ABLIM2: variants seen among roughly 807,000 people sequenced by gnomAD.
ABLIM2 encodes the protein actin binding LIM protein family member 2, also known as actin-binding LIM protein 2.
A neutral mutation model predicts 97.7 loss-of-function variants in ABLIM2; 53 were observed. The observed-to-expected ratio is 0.54, with a 90% confidence interval of 0.44 to 0.68. The LOEUF is 0.68. Among genes scored for constraint, ABLIM2 ranks in the 30% least tolerant of loss-of-function variants. ABLIM2 has a pLI of 0.00. For missense variants in ABLIM2, 835 were observed against 867.2 expected (o/e 0.96, Z 0.47); for synonymous variants, 361 against 345.8 (o/e 1.04, Z -0.49).
intron 1 of ABLIM2, among the ~76,000 whole-genome samples, chr4:8,136,244 C>T (rs77980467): frequency 5.8e-4 from 88 of 152,258 alleles, no homozygotes; most frequent in African/African-American, 2.0e-3. Context: ...GAGTCGTCAA[C>T]TTCATAGAGA....
intron 5 of ABLIM2, 100 bp downstream of exon 5, chr4:8,080,576 C>T (rs965876346): frequency 6.2e-5 from 83 of 1,333,262 alleles, no homozygotes; most frequent in Admixed American, 4.4e-4. Flanking sequence ...ATAGGAGAGA[C>T]ACAGAGAGGG....
At chr4:8,103,382 T>G (rs1245276058) in intron 2 of ABLIM2, among the ~76,000 whole-genome samples, 1 of 152,224 alleles carries the variant, frequency 6.6e-6, no homozygotes, top group East Asian at 1.9e-4. Flanking sequence ...TCGTAGTTAC[T>G]CCATGCCATT....
chr4:8,100,101 A>G (rs1387689202), intron 2 of ABLIM2, among the ~76,000 whole-genome samples: 2 of 152,122 alleles, frequency 1.3e-5, no homozygotes, highest in Non-Finnish European at 2.9e-5. Context: ...GCTGGGGGGA[A>G]AAGATGAATC....
chr4:7,973,610 G>T (rs1316436839), intron 20 of ABLIM2, among the ~76,000 whole-genome samples: 2 of 152,186 alleles, frequency 1.3e-5, no homozygotes, highest in Non-Finnish European at 2.9e-5. Flanking sequence ...TAAGCAGTTT[G>T]GTTTTTAGCC....
Position 8,106,493 on chromosome 4 carries a change from C to T in ABLIM2, c.154+1G>A. The T allele has an allele frequency of 6.3e-7, 1 of 1,592,574 alleles. No homozygotes were observed. The highest frequency in any genetic ancestry group is 8.6e-7 in the Non-Finnish European group (1 of 1,169,566). Reference sequence around the variant, plus strand: ...ACTGCAGGGGACCGGGGGACACTCACCTTTACAGACGAAGCACTTGATGTG... The same window carrying T: ...ACTGCAGGGGACCGGGGGACACTCATCTTTACAGACGAAGCACTTGATGTG... On this transcript the variant is annotated splice_donor_variant, in intron 2 of 20. Transcript: ENST00000447017. LOFTEE classifies it high-confidence loss of function.
At chr4:8,093,007 C>T (rs776959648) in intron 3 of ABLIM2, among the ~76,000 whole-genome samples, 12 of 152,104 alleles carry the variant, frequency 7.9e-5, no homozygotes, top group Non-Finnish European at 1.5e-4. Flanking sequence ...CACCACCACG[C>T]CTGGCTCATT....
At chr4:8,081,899 A>G (rs1820063066) in intron 4 of ABLIM2, among the ~76,000 whole-genome samples, 1 of 152,114 alleles carries the variant, frequency 6.6e-6, no homozygotes, top group Non-Finnish European at 1.5e-5. Context: ...CACTCCAGGG[A>G]CCTGCACCTG....
chr4:8,094,043 AT>A (rs750661326), intron 3 of ABLIM2, among the ~76,000 whole-genome samples: 3 of 152,046 alleles, frequency 2.0e-5, no homozygotes, highest in Non-Finnish European at 4.4e-5. Flanking sequence ...TTAAGTTTGA[AT>A]TCTTTTTAAT....
In ABLIM2 at chr4:8,029,773, C is replaced by G; in HGVS notation, c.1051G>C (p.Asp351His). 1 of 1,570,252 alleles carries G rather than the reference C, an allele frequency of 6.4e-7. No homozygotes were observed. The highest frequency in any genetic ancestry group is 8.6e-7 in the Non-Finnish European group (1 of 1,158,004). ...TGCTTGTAGGACCGGTCATCCTGAT[C>G]CCCCTGGGAGGGAAGATGCAGCTTG... ...AGDRQSYGEGDQDDRSYKQCR... is the reference protein window; with the variant it reads ...AGDRQSYGEGHQDDRSYKQCR... The change falls in exon 11 of 21, where the codon GAT (aspartate) becomes CAT (histidine). Residue 351 changes from aspartate (D) to histidine (H), a missense_variant. Coordinates refer to ENST00000447017, the MANE Select transcript of ABLIM2 (RefSeq NM_001130083.2).
chr4:8,094,976 C>A (rs1036871110), intron 3 of ABLIM2, among the ~76,000 whole-genome samples: 1 of 79,798 alleles, frequency 1.3e-5, no homozygotes, highest in Non-Finnish European at 3.0e-5. Flanking sequence ...CCTTCCCTCC[C>A]TTTCTTTCTC....
chr4:8,158,330 C>T (rs573680230), intron 1 of ABLIM2, among the ~76,000 whole-genome samples: 12 of 152,332 alleles, frequency 7.9e-5, no homozygotes, highest in African/African-American at 2.9e-4. Flanking sequence ...GGCCCTTCGC[C>T]CGGACCCCAG....
chr4:8,101,715 G>A (rs1834741552), intron 2 of ABLIM2, among the ~76,000 whole-genome samples: 1 of 152,126 alleles, frequency 6.6e-6, no homozygotes, highest in African/African-American at 2.4e-5. Context: ...CTCTCCCGAG[G>A]GCACACATGG....
Position 7,996,121 on chromosome 4 carries a change from A to T in ABLIM2, c.1619-3194T>A, listed in dbSNP as rs1283186516. ...AGCTCCTTATCAGCAAAGGTGCTAG[A>T]GGGGTGGTTCTCAAACTGGCATCCC... On this transcript the variant is annotated intron_variant, in intron 16 of 20. Transcript: ENST00000447017. The surrounding 1 kb of genome is among the most constrained non-coding windows in gnomAD (Gnocchi z 4.5). Among the ~76,000 whole-genome samples, 2 of 152,184 alleles carry T rather than the reference A, an allele frequency of 1.3e-5. No individual in the cohort carries two copies. The highest frequency in any genetic ancestry group is 4.8e-5 in the African/African-American group (2 of 41,446).
At position 8,075,178 on chromosome 4, in the gene ABLIM2, G is replaced by A. The variant is rs1815204721; in HGVS notation, c.675+2450C>T. Among the ~76,000 whole-genome samples, 1 of 152,154 alleles carries A rather than the reference G, an allele frequency of 6.6e-6. No homozygotes were observed. Among genetic ancestry groups the A allele is most frequent in the African/African-American group, 2.4e-5 (1 of 41,426 alleles). Reference sequence around the variant, plus strand: ...GAAAACATCAAGCTATGTGAAAGAAGCCGGTCATGAAAGACTACATATTTC... The same window carrying A: ...GAAAACATCAAGCTATGTGAAAGAAACCGGTCATGAAAGACTACATATTTC... On this transcript the variant is annotated intron_variant, in intron 6 of 20. Coordinates refer to ENST00000447017, the MANE Select transcript of ABLIM2 (RefSeq NM_001130083.2). This position sits in a 1 kb window ranked among gnomAD's most constrained non-coding sequence, Gnocchi z 4.4.
intron 12 of ABLIM2, among the ~76,000 whole-genome samples, chr4:8,024,152 G>T (rs1775796049): frequency 6.6e-6 from 1 of 152,164 alleles, no homozygotes; most frequent in South Asian, 2.1e-4. Context: ...CCATCCCAGG[G>T]CCCCTCCCTC....
At chr4:8,000,396 T>C (rs1293994116) in intron 16 of ABLIM2, among the ~76,000 whole-genome samples, 1 of 152,092 alleles carries the variant, frequency 6.6e-6, no homozygotes, top group Non-Finnish European at 1.5e-5. Context: ...TCCCTGTTCT[T>C]ACAGATGAGG....
Position 8,112,349 on chromosome 4 carries a change from C to T in ABLIM2, c.11-5712G>A, listed in dbSNP as rs894773424. Reference sequence around the variant, plus strand: ...GTGACCTTGGTGAATGGATTTAACTCTGCAAAGCCTCAGTTTTCACATCTG... The same window carrying T: ...GTGACCTTGGTGAATGGATTTAACTTTGCAAAGCCTCAGTTTTCACATCTG... On this transcript the variant is annotated intron_variant, in intron 1 of 20. Transcript: ENST00000447017. This position sits in a 1 kb window ranked among gnomAD's most constrained non-coding sequence, Gnocchi z 4.2. Among the ~76,000 whole-genome samples the T allele has an allele frequency of 2.0e-5, 3 of 152,250 alleles. No individual in the cohort carries two copies. The highest frequency in any genetic ancestry group is 1.5e-5 in the Non-Finnish European group (1 of 68,038).
chr4:7,978,891 C>G (rs1401434183), intron 20 of ABLIM2, among the ~76,000 whole-genome samples: 6 of 152,184 alleles, frequency 3.9e-5, no homozygotes. Flanking sequence ...TGATGGTAGG[C>G]AGAGGCTACC....
At chr4:7,969,748 C>T (rs1412926092) in intron 20 of ABLIM2, among the ~76,000 whole-genome samples, 1 of 151,606 alleles carries the variant, frequency 6.6e-6, no homozygotes, top group African/African-American at 2.4e-5. Context: ...CACACACACA[C>T]ACACACACAC....
Sources: allele counts gnomAD v4.1 joint callset (sites outside exome capture counted in the v4.1 genomes callset), GRCh38; gene constraint gnomAD v4.1.1; non-coding constraint Gnocchi (gnomAD v3.1); transcripts MANE v1.5; gene names NCBI Gene and HGNC (gene_info 2026-07-23, HGNC 2026-07-21).